MMP16: variants seen among roughly 807,000 people sequenced by gnomAD.
The protein encoded by MMP16 is matrix metalloproteinase-16.
MMP16 carries 12 observed loss-of-function variants against 67.8 expected under a neutral mutation model. The ratio of observed to expected loss-of-function variants is 0.18; its 90% CI spans 0.11 to 0.29. The LOEUF (loss-of-function observed/expected upper bound fraction) is 0.29, where lower values mean the gene tolerates loss of function less well. MMP16 is among the 10% of genes least tolerant of loss of function. The pLI, the probability that MMP16 is intolerant of heterozygous loss-of-function variation, is 1.00. For missense variants in MMP16, 475 were observed against 765.7 expected (o/e 0.62, Z 4.48); for synonymous variants, 249 against 255.9 (o/e 0.97, Z 0.26).
At chr8:88,300,788 C>T (rs1046805651) in intron 1 of MMP16, among the ~76,000 whole-genome samples, 36 of 151,918 alleles carry the variant, frequency 2.4e-4, no homozygotes, top group Admixed American at 3.9e-4. Flanking sequence ...GAGAGAGAAT[C>T]GGAAAGTACA....
chr8:88,099,515 T>C (rs1299406382), intron 6 of MMP16, among the ~76,000 whole-genome samples: 1 of 151,858 alleles, frequency 6.6e-6, no homozygotes, highest in African/African-American at 2.4e-5. Flanking sequence ...TTAAAATGCT[T>C]TAAATATCTT....
intron 1 of MMP16, among the ~76,000 whole-genome samples, chr8:88,273,758 T>C (rs1040824628): frequency 3.3e-5 from 5 of 152,274 alleles, no homozygotes; most frequent in Non-Finnish European, 7.4e-5. Context: ...CATCTTCAAA[T>C]ACAATTTCCC....
At chr8:88,294,602 A>T (rs1259290244) in intron 1 of MMP16, among the ~76,000 whole-genome samples, 2 of 152,158 alleles carry the variant, frequency 1.3e-5, no homozygotes, top group East Asian at 1.9e-4. Flanking sequence ...ACATACATAG[A>T]TGTGCATGTA....
intron 6 of MMP16, among the ~76,000 whole-genome samples, chr8:88,099,281 T>A (rs1199555932): frequency 1.3e-5 from 2 of 151,824 alleles, no homozygotes; most frequent in Non-Finnish European, 2.9e-5. Context: ...AAATTTGTCA[T>A]ATTTTTCAGG....
intron 3 of MMP16, among the ~76,000 whole-genome samples, chr8:88,169,076 A>G (rs1222199543): frequency 6.6e-6 from 1 of 152,192 alleles, no homozygotes; most frequent in Non-Finnish European, 1.5e-5. Context: ...AAATGCAATC[A>G]TAAAAGAGAA....
chr8:88,117,283 T>C (rs1217160344), intron 5 of MMP16, among the ~76,000 whole-genome samples: 1 of 152,164 alleles, frequency 6.6e-6, no homozygotes, highest in Non-Finnish European at 1.5e-5. Context: ...CTCTAAGTCG[T>C]GAATCTAAAA....
At chr8:88,177,398 G>A (rs926566718) in intron 3 of MMP16, among the ~76,000 whole-genome samples, 8 of 152,190 alleles carry the variant, frequency 5.3e-5, no homozygotes, top group African/African-American at 1.7e-4. Context: ...AAAGTGGAGA[G>A]AGGGGCAAAT....
chr8:88,235,032 T>A (rs892756470), intron 1 of MMP16, among the ~76,000 whole-genome samples: 1 of 152,146 alleles, frequency 6.6e-6, no homozygotes, highest in Admixed American at 6.6e-5. Flanking sequence ...TTCTCCATCT[T>A]CTTGAAGGAT....
chr8:88,155,372 T>TA (rs1398787040), intron 4 of MMP16, among the ~76,000 whole-genome samples: 3 of 152,078 alleles, frequency 2.0e-5, no homozygotes. Flanking sequence ...TTTTAGTCCT[T>TA]TGGGAATAAT....
intron 1 of MMP16, among the ~76,000 whole-genome samples, chr8:88,202,218 C>G (rs1349440057): frequency 6.6e-6 from 1 of 152,154 alleles, no homozygotes; most frequent in Admixed American, 6.6e-5. Flanking sequence ...CCAAAAGTTA[C>G]TCCACTAAAC....
intron 4 of MMP16, among the ~76,000 whole-genome samples, chr8:88,149,609 C>A (rs1182483660): frequency 4.0e-5 from 6 of 151,744 alleles, no homozygotes; most frequent in African/African-American, 1.5e-4. Context: ...ACACTGACAC[C>A]TCACACGGCA....
At chr8:88,324,621 G>C (rs1187536814) in intron 1 of MMP16, among the ~76,000 whole-genome samples, 4 of 152,026 alleles carry the variant, frequency 2.6e-5, no homozygotes. Flanking sequence ...TTTATTTTAA[G>C]ACTATCCTTG....
Position 88,183,305 on chromosome 8 carries a change from T to C in MMP16, c.404+3171A>G, listed in dbSNP as rs576260819. Among the ~76,000 whole-genome samples the C allele has an allele frequency of 9.8e-5, 15 of 152,320 alleles. No individual in the cohort carries two copies. In the East Asian group the frequency reaches 2.7e-3, roughly 27 times the overall value. ...AAACCATTTGTATTGGTGGAGTATA[T>C]AAGGGATAGAGGAGAGGGTATGCAG... On this transcript the variant is annotated intron_variant, in intron 3 of 9. Transcript: ENST00000286614.
At chr8:88,108,701 TG>T (rs1462331281) in intron 6 of MMP16, among the ~76,000 whole-genome samples, 1 of 151,356 alleles carries the variant, frequency 6.6e-6, no homozygotes, top group African/African-American at 2.4e-5. Flanking sequence ...TCCTTTTACA[TG>T]TAAGTTAGAA....
intron 6 of MMP16, among the ~76,000 whole-genome samples, chr8:88,090,976 T>A (rs1392146031): frequency 1.3e-5 from 2 of 151,880 alleles, no homozygotes; most frequent in African/African-American, 4.8e-5. Context: ...GGAAAGTCTT[T>A]TCTTTCTCTT....
chr8:88,214,092 C>T (rs1809551587), intron 1 of MMP16, among the ~76,000 whole-genome samples: 2 of 152,214 alleles, frequency 1.3e-5, no homozygotes, highest in Admixed American at 1.3e-4. Context: ...ACAATAATGT[C>T]TCCAATACAT....
intron 1 of MMP16, among the ~76,000 whole-genome samples, chr8:88,317,367 C>T (rs538648818): frequency 7.0e-4 from 107 of 152,272 alleles, no homozygotes; most frequent in Middle Eastern, 6.8e-3. Context: ...AAGGCAACAC[C>T]CTCCAGCCAC....
intron 1 of MMP16, among the ~76,000 whole-genome samples, chr8:88,290,414 A>G (rs1223209125): frequency 6.6e-6 from 1 of 152,058 alleles, no homozygotes; most frequent in Non-Finnish European, 1.5e-5. Flanking sequence ...TTAGCAGGGC[A>G]TGGTGGCGGG....
At chr8:88,095,717 T>A (rs771201797) in intron 6 of MMP16, among the ~76,000 whole-genome samples, 69 of 151,922 alleles carry the variant, frequency 4.5e-4, no homozygotes, top group Non-Finnish European at 8.5e-4. Context: ...CTAATGAGCC[T>A]TTGACAATGT....
Sources: gnomAD v4.1 joint callset for allele counts (sites outside exome capture counted in the v4.1 genomes callset) on GRCh38, gnomAD v4.1.1 for gene constraint, MANE v1.5 for transcripts, NCBI Gene and HGNC (gene_info 2026-07-23, HGNC 2026-07-21) for gene names.